The following ATXN7L1 variants were observed in gnomAD, a reference collection of about 807,000 sequenced individuals.
ATXN7L1 encodes ataxin-7-like protein 1.
A neutral mutation model predicts 70.8 loss-of-function variants in ATXN7L1; 15 were observed. The observed-to-expected ratio is 0.21, with a 90% CI of 0.14 to 0.33. The LOEUF is 0.33. Ranked by LOEUF, ATXN7L1 falls within the 10% of genes least tolerant of loss-of-function variation. The pLI is 1.00. For missense variants in ATXN7L1, 975 were observed against 1,097.1 expected, an observed-to-expected ratio of 0.89 and a Z score of 1.57; for synonymous variants, 440 against 445.1, an observed-to-expected ratio of 0.99 and a Z score of 0.14.
intron 2 of ATXN7L1, among the ~76,000 whole-genome samples, chr7:105,860,115 A>C (rs922494131): frequency 1.6e-5 from 2 of 128,870 alleles, no homozygotes; most frequent in African/African-American, 5.8e-5. Flanking sequence ...ATACAGATAG[A>C]TCTTTATATG....
At chr7:105,736,420 C>T (rs1216070289) in intron 3 of ATXN7L1, among the ~76,000 whole-genome samples, 1 of 152,178 alleles carries the variant, frequency 6.6e-6, no homozygotes, top group Non-Finnish European at 1.5e-5. Context: ...TCTTTTGCAG[C>T]AGGCAAGGTT....
intron 3 of ATXN7L1, among the ~76,000 whole-genome samples, chr7:105,668,103 A>G (rs1802933536): frequency 6.6e-6 from 1 of 152,228 alleles, no homozygotes; most frequent in Non-Finnish European, 1.5e-5. Flanking sequence ...ATGCAAGTAA[A>G]CAAAGATAAA....
At chr7:105,795,517 C>T (rs986397972) in intron 2 of ATXN7L1, among the ~76,000 whole-genome samples, 4 of 152,106 alleles carry the variant, frequency 2.6e-5, no homozygotes. Flanking sequence ...TTTGAATTTG[C>T]CCCTGGATAC....
chr7:105,818,246 T>C (rs1468365615), intron 2 of ATXN7L1, among the ~76,000 whole-genome samples: 1 of 152,202 alleles, frequency 6.6e-6, no homozygotes, highest in Non-Finnish European at 1.5e-5. Context: ...CTCAGATCAC[T>C]GCAACCTCTG....
chr7:105,837,315 C>T (rs914501398), intron 2 of ATXN7L1, among the ~76,000 whole-genome samples: 41 of 152,158 alleles, frequency 2.7e-4, no homozygotes, highest in African/African-American at 8.9e-4. Context: ...CTGATTCCTT[C>T]CTACTTCTTT....
chr7:105,869,135 C>CTCT (rs143848688), intron 2 of ATXN7L1, among the ~76,000 whole-genome samples: 105 of 152,320 alleles, frequency 6.9e-4, no homozygotes, highest in African/African-American at 2.4e-3. Context: ...TTCCCTTCTC[C>CTCT]GTCTCATCTT....
chr7:105,852,549 T>G (rs1815029955), intron 2 of ATXN7L1, among the ~76,000 whole-genome samples: 1 of 151,982 alleles, frequency 6.6e-6, no homozygotes, highest in Non-Finnish European at 1.5e-5. Flanking sequence ...GGCGCACAGT[T>G]TGGCAAGCAG....
chr7:105,639,704 T>C, intron 5 of ATXN7L1, 135 bp from the exon 6 acceptor site: 2 of 690,920 alleles, frequency 2.9e-6, no homozygotes, highest in Non-Finnish European at 4.8e-6. Context: ...TTTTTGTTTT[T>C]TTGTGTTTTG....
At position 105,642,875 on chromosome 7, in the gene ATXN7L1, G is replaced by A; in HGVS notation, c.825C>T (p.Gly275=). The change falls in exon 5 of 12, where the codon GGC becomes GGT. Residue 275 remains glycine, a synonymous_variant. Coordinates refer to ENST00000419735, the MANE Select transcript of ATXN7L1 (RefSeq NM_020725.2). ...TGTAAGGCTTGTTGCTGTTTTTGGT[G>A]CCATTTTGGTGTTTCTTGTCTATGG... ...PTTIDKKHQN[G]TKNSNKPYRR... The A allele has an allele frequency of 6.4e-7, 1 of 1,551,678 alleles. No homozygotes were observed. Among genetic ancestry groups the A allele is most frequent in the Non-Finnish European group, 8.7e-7 (1 of 1,146,992 alleles).
Position 105,846,283 on chromosome 7 carries a change from C to T in ATXN7L1, c.250+29529G>A, listed in dbSNP as rs779812255. On this transcript the variant is annotated intron_variant, in intron 2 of 11. Transcript: ENST00000419735. ...GAGCCTAGGAGATTGAAGCCACCGT[C>T]GGCAACACAGCGAGACCCTGTCTCT... Among the ~76,000 whole-genome samples, 45 of 152,050 alleles carry T rather than the reference C, an allele frequency of 3.0e-4. No homozygotes were observed. The Middle Eastern group carries it at 0.01, about 34-fold the overall frequency.
At chr7:105,776,339 C>G (rs1563083361) in intron 3 of ATXN7L1, among the ~76,000 whole-genome samples, 1 of 152,184 alleles carries the variant, frequency 6.6e-6, no homozygotes, top group Non-Finnish European at 1.5e-5. Context: ...TGGTCATTCT[C>G]TTTCAAGCAG....
chr7:105,654,907 AT>A (rs201109400), intron 4 of ATXN7L1, among the ~76,000 whole-genome samples: 30,393 of 140,740 alleles, frequency 0.22, 3,041 homozygotes, highest in African/African-American at 0.29. Context: ...CGCCTGGCTA[AT>A]TTTTTTTTTT....
chr7:105,725,496 T>C (rs1212648976), intron 3 of ATXN7L1, among the ~76,000 whole-genome samples: 1 of 152,168 alleles, frequency 6.6e-6, no homozygotes, highest in Non-Finnish European at 1.5e-5. Flanking sequence ...CCCCAGTGCA[T>C]GGATTGGCAG....
rs1006335015 is a variant in ATXN7L1 at position 105,875,690 on chromosome 7, G to A, written c.250+122C>T. 3.2e-5 allele frequency: 26 copies of A among 821,026 alleles called. No homozygotes were observed. In the East Asian group the frequency reaches 6.6e-4, roughly 21 times the overall value. 50.9% of individuals were successfully genotyped at this position (821,026 alleles called of 1,614,324 possible). On this transcript the variant is annotated intron_variant, in intron 2 of 11. Transcript: ENST00000419735. The stretch of plus-strand genomic sequence containing the variant: ...AACATGAAGCAGTAGTCACCTGGGC[G>A]TGCTCAATTTTTGACAAGCCTTAGT...
At chr7:105,797,479 G>T (rs535722742) in intron 2 of ATXN7L1, among the ~76,000 whole-genome samples, 3 of 152,216 alleles carry the variant, frequency 2.0e-5, no homozygotes, top group Admixed American at 1.3e-4. Context: ...GCTTCCTTAG[G>T]CCTCAGGTCT....
Position 105,614,306 on chromosome 7 carries a change from CT to C in ATXN7L1, c.2027del (p.Lys676ArgfsTer5). On this transcript the variant is annotated frameshift_variant, in exon 10 of 12. Coordinates refer to ENST00000419735, the MANE Select transcript of ATXN7L1 (RefSeq NM_020725.2). LOFTEE classifies it high-confidence loss of function. This position sits in a 1 kb window ranked among gnomAD's most constrained non-coding sequence, Gnocchi z 4.3. ...CAGAACTGGCATTCAAAACACAGTT[CT>C]TTTTGTGAGGCCCTGACAGTGGAGA... ...LSSPLSGPHK[K>X]NCVLNASSAL... is the part of the protein sequence containing the mutation. 6.4e-7 allele frequency: 1 copy of C among 1,552,118 alleles called. No homozygotes were observed. Among genetic ancestry groups the C allele is most frequent in the Non-Finnish European group, 8.7e-7 (1 of 1,147,090 alleles).
At chr7:105,618,556 T>A (rs1435009018) in intron 9 of ATXN7L1, among the ~76,000 whole-genome samples, 1 of 152,114 alleles carries the variant, frequency 6.6e-6, no homozygotes. Flanking sequence ...GCCTAAGGTG[T>A]CGTAGCTGCC....
intron 2 of ATXN7L1, among the ~76,000 whole-genome samples, chr7:105,804,433 C>T (rs1183728828): frequency 3.3e-5 from 5 of 152,194 alleles, no homozygotes; most frequent in African/African-American, 1.2e-4. Context: ...AAGAAGGAAG[C>T]TCTTGTTGGA....
chr7:105,604,861 C>T lies in ATXN7L1; in HGVS notation c.*2991G>A, dbSNP rs1228642885. Among the ~76,000 whole-genome samples the T allele has an allele frequency of 3.9e-5, 6 of 152,116 alleles. No homozygotes were observed. In the East Asian group the frequency reaches 1.2e-3, roughly 29 times the overall value. Reference sequence around the variant, plus strand: ...GTTTTGTTAAAGTGCCATGGGCCGACAGCATAACAAAATATAAGGTGTAAA... The same window carrying T: ...GTTTTGTTAAAGTGCCATGGGCCGATAGCATAACAAAATATAAGGTGTAAA... On this transcript the variant is annotated 3_prime_UTR_variant, in exon 12 of 12. Transcript: ENST00000419735.
Sources: gnomAD v4.1 joint callset for allele counts (sites outside exome capture counted in the v4.1 genomes callset) on GRCh38, gnomAD v4.1.1 for gene constraint, Gnocchi (gnomAD v3.1) non-coding constraint, MANE v1.5 for transcripts, NCBI Gene and HGNC (gene_info 2026-07-23, HGNC 2026-07-21) for gene names.